The following ROBO1 variants were observed in gnomAD, a reference collection of about 807,000 sequenced individuals.
The protein encoded by ROBO1 is roundabout homolog 1.
In ROBO1, 149 loss-of-function variants were observed where a neutral mutation model predicts 195.9. The ratio of observed to expected loss-of-function variants is 0.76; its 90% CI spans 0.67 to 0.87. The LOEUF (loss-of-function observed/expected upper bound fraction) is 0.87, where lower values mean the gene tolerates loss of function less well. ROBO1 is among the 40% of genes least tolerant of loss of function. ROBO1 has a pLI of 0.00. For synonymous variants in ROBO1, 816 were observed against 733.2 expected, an observed-to-expected ratio of 1.11 and a Z score of -1.82; for missense variants, 1,933 against 2,068.3, an observed-to-expected ratio of 0.93 and a Z score of 1.27.
chr3:78,697,839 C>G (rs2081335023), intron 8 of ROBO1, among the ~76,000 whole-genome samples: 1 of 152,020 alleles, frequency 6.6e-6, no homozygotes, highest in Non-Finnish European at 1.5e-5. Flanking sequence ...TTACAAACTC[C>G]TAGGTTGACT....
intron 2 of ROBO1, among the ~76,000 whole-genome samples, chr3:79,318,754 A>T (rs532336656): frequency 6.6e-6 from 1 of 152,314 alleles, no homozygotes; most frequent in South Asian, 2.1e-4. Context: ...ATAAATATAC[A>T]CAAATGTATA....
intron 3 of ROBO1, among the ~76,000 whole-genome samples, chr3:79,099,974 A>T (rs879549810): frequency 9.2e-5 from 14 of 151,776 alleles, no homozygotes; most frequent in Non-Finnish European, 2.1e-4. Context: ...CCTATTCTCT[A>T]TTCTGGGCTG....
rs1449938884 is a variant in ROBO1 at position 78,668,316 on chromosome 3, A to C, written c.1631-14T>G. The C allele has an allele frequency of 6.2e-7, 1 of 1,611,928 alleles. No homozygotes were observed. Among genetic ancestry groups the C allele is most frequent in the Non-Finnish European group, 8.5e-7 (1 of 1,179,004 alleles). On this transcript the variant is annotated splice_polypyrimidine_tract_variant and intron_variant, in intron 12 of 30. Coordinates refer to ENST00000464233, the MANE Select transcript of ROBO1 (RefSeq NM_002941.4). ...GAACTCCAAATTCTAAAAAGCAGGA[A>C]AAAGGCCAAAATAAAAGATGTTTAC... is the stretch of plus-strand genomic sequence containing the variant.
At chr3:78,845,560 A>G (rs2033606634) in intron 4 of ROBO1, among the ~76,000 whole-genome samples, 1 of 152,130 alleles carries the variant, frequency 6.6e-6, no homozygotes, top group Non-Finnish European at 1.5e-5. Flanking sequence ...TATTTACTGG[A>G]AAGAAATTGA....
chr3:79,372,891 T>A (rs574563589), intron 2 of ROBO1, among the ~76,000 whole-genome samples: 1 of 151,722 alleles, frequency 6.6e-6, no homozygotes, highest in East Asian at 1.9e-4. Context: ...AACTAGTATT[T>A]TTTTTTTTAT....
At chr3:78,653,746 A>C (rs1706822989) in intron 18 of ROBO1, among the ~76,000 whole-genome samples, 1 of 152,196 alleles carries the variant, frequency 6.6e-6, no homozygotes, top group Admixed American at 6.5e-5. Flanking sequence ...TGACAGGAAT[A>C]AGCTGGACGC....
At chr3:79,736,190 A>C (rs1408257697) in intron 1 of ROBO1, among the ~76,000 whole-genome samples, 1 of 152,190 alleles carries the variant, frequency 6.6e-6, no homozygotes, top group Non-Finnish European at 1.5e-5. Context: ...TTTCAGGTAG[A>C]TAACAGAGTA....
At chr3:79,329,243 A>T (rs969048357) in intron 2 of ROBO1, among the ~76,000 whole-genome samples, 1 of 152,200 alleles carries the variant, frequency 6.6e-6, no homozygotes, top group African/African-American at 2.4e-5. Context: ...TCAGAGAGTT[A>T]GCCTTCCTAC....
intron 1 of ROBO1, among the ~76,000 whole-genome samples, chr3:79,628,140 A>C (rs1945233624): frequency 6.6e-6 from 1 of 152,220 alleles, no homozygotes; most frequent in Admixed American, 6.5e-5. Context: ...CTGAGTATGT[A>C]CCCAAAGGAA....
chr3:78,685,085 A>T (rs1053598677), intron 10 of ROBO1, among the ~76,000 whole-genome samples: 6 of 152,148 alleles, frequency 3.9e-5, no homozygotes, highest in African/African-American at 1.4e-4. Flanking sequence ...TTGCACACAC[A>T]TATACTATAC....
chr3:78,661,086 A>C lies in ROBO1; in HGVS notation c.2264T>G (p.Phe755Cys). The C allele has an allele frequency of 6.2e-7, 1 of 1,613,536 alleles. No individual in the cohort carries two copies. Among genetic ancestry groups the C allele is most frequent in the Non-Finnish European group, 8.5e-7 (1 of 1,179,700 alleles). ...VNYEIKARPF[F>C]NEFQGADSEI... ...ACTATCTGCTCCTTGAAATTCATTA[A>C]AAAAAGGGCGAGCCTTAATTTCATA... is the stretch of plus-strand genomic sequence containing the variant. The change falls in exon 16 of 31, where the codon TTT becomes TGT. Residue 755 changes from phenylalanine (F) to cysteine (C), a missense_variant. Coordinates refer to ENST00000464233, the MANE Select transcript of ROBO1 (RefSeq NM_002941.4).
intron 2 of ROBO1, among the ~76,000 whole-genome samples, chr3:79,312,167 A>C (rs2033518255): frequency 6.6e-6 from 1 of 152,194 alleles, no homozygotes; most frequent in African/African-American, 2.4e-5. Context: ...ATTTTCATTG[A>C]TACAATGAAG....
chr3:78,755,711 G>T (rs1357129928), intron 4 of ROBO1, among the ~76,000 whole-genome samples: 1 of 152,122 alleles, frequency 6.6e-6, no homozygotes, highest in Non-Finnish European at 1.5e-5. Context: ...AACTGATCAT[G>T]CCATTTTCAA....
At chr3:79,582,161 T>C (rs1399495429) in intron 2 of ROBO1, among the ~76,000 whole-genome samples, 4 of 151,776 alleles carry the variant, frequency 2.6e-5, no homozygotes, top group African/African-American at 4.8e-5. Flanking sequence ...CATGCTCATA[T>C]ATTTTCTATA....
intron 3 of ROBO1, among the ~76,000 whole-genome samples, chr3:79,102,078 A>T (rs1011028125): frequency 6.6e-6 from 1 of 151,774 alleles, no homozygotes; most frequent in Non-Finnish European, 1.5e-5. Context: ...ACATATGTAG[A>T]TCCATTTTTA....
chr3:79,442,821 C>T (rs1290125218), intron 2 of ROBO1, among the ~76,000 whole-genome samples: 2 of 152,134 alleles, frequency 1.3e-5, no homozygotes, highest in South Asian at 2.1e-4. Context: ...CCTGAACCAT[C>T]CTGCTTCTCA....
At chr3:79,112,443 C>T (rs1053891027) in intron 3 of ROBO1, among the ~76,000 whole-genome samples, 1 of 152,082 alleles carries the variant, frequency 6.6e-6, no homozygotes, top group Non-Finnish European at 1.5e-5. Flanking sequence ...ATGGAGTGGT[C>T]AATCCAAAAT....
At chr3:78,956,434 G>A (rs1259508369) in intron 3 of ROBO1, among the ~76,000 whole-genome samples, 1 of 151,984 alleles carries the variant, frequency 6.6e-6, no homozygotes, top group Non-Finnish European at 1.5e-5. Context: ...TCTTGAGAGT[G>A]GTGTAATTCT....
At chr3:79,641,443 T>C (rs932236273) in intron 1 of ROBO1, among the ~76,000 whole-genome samples, 7 of 152,096 alleles carry the variant, frequency 4.6e-5, no homozygotes, top group African/African-American at 1.4e-4. Context: ...ATATACCTAA[T>C]GCTAGATGAC....
Sources: allele counts gnomAD v4.1 joint callset (sites outside exome capture counted in the v4.1 genomes callset), GRCh38; gene constraint gnomAD v4.1.1; transcripts MANE v1.5; gene names NCBI Gene and HGNC (gene_info 2026-07-23, HGNC 2026-07-21).